Variants in PLS3 observed in about 807,000 individuals in gnomAD.
PLS3 encodes the protein plastin-3.
PLS3 carries 11 observed loss-of-function variants against 46.5 expected under a neutral mutation model. The ratio of observed to expected loss-of-function variants is 0.24; its 90% CI spans 0.15 to 0.39. PLS3 has a LOEUF of 0.39. Among genes scored for constraint, PLS3 ranks in the 10% least tolerant of loss-of-function variants. PLS3 has a pLI of 1.00. For synonymous variants in PLS3, 167 were observed against 162.2 expected (o/e 1.03, Z -0.22); for missense variants, 308 against 461.8 (o/e 0.67, Z 3.05).
At chrX:115,637,112 G>T in intron 8 of PLS3, 134 bp downstream of exon 8, 1 of 593,255 alleles carries the variant, frequency 1.7e-6, no homozygotes, top group East Asian at 3.3e-5. Context: ...GTAGATTTTA[G>T]AAGAGTAATA....
At chrX:115,634,314 G>A (rs2074808147) in intron 6 of PLS3, among the ~76,000 whole-genome samples, 1 of 111,921 alleles carries the variant, frequency 8.9e-6, no homozygotes, top group Non-Finnish European at 1.9e-5. Flanking sequence ...AAAGCCCCAT[G>A]TTCTTTTCAT....
intron 2 of PLS3, among the ~76,000 whole-genome samples, chrX:115,620,636 CA>C (rs1556637367): frequency 9.3e-6 from 1 of 107,624 alleles, no homozygotes; most frequent in East Asian, 2.9e-4. Context: ...TTATGGCAAT[CA>C]AAAATGTCCC....
At chrX:115,586,175 G>A (rs1182543739) in intron 1 of PLS3, among the ~76,000 whole-genome samples, 1 of 106,054 alleles carries the variant, frequency 9.4e-6, no homozygotes, top group Non-Finnish European at 1.9e-5. Context: ...ACCGGAGACG[G>A]GGTTTCTCCA....
intron 1 of PLS3, among the ~76,000 whole-genome samples, chrX:115,578,138 G>A (rs1312869960): frequency 1.8e-5 from 2 of 111,818 alleles, no homozygotes; most frequent in East Asian, 2.8e-4. Flanking sequence ...GTCACAGAAG[G>A]CATTACTGAG....
intron 1 of PLS3, among the ~76,000 whole-genome samples, chrX:115,583,236 T>C (rs1280027758): frequency 8.9e-6 from 1 of 112,270 alleles, no homozygotes; most frequent in African/African-American, 3.2e-5. Context: ...ACCAAAAGTA[T>C]ACACATGCAA....
At chrX:115,594,491 G>C (rs1353276932) in intron 1 of PLS3, among the ~76,000 whole-genome samples, 1 of 111,708 alleles carries the variant, frequency 9.0e-6, no homozygotes, top group African/African-American at 3.3e-5. Context: ...CACTGCAAGA[G>C]GCATTTTCAG....
At chrX:115,575,610 A>G (rs1399507789) in intron 1 of PLS3, among the ~76,000 whole-genome samples, 2 of 110,678 alleles carry the variant, frequency 1.8e-5, no homozygotes, top group African/African-American at 6.6e-5. Context: ...CACCTGGCTA[A>G]TTTTTTGTAT....
intron 1 of PLS3, among the ~76,000 whole-genome samples, chrX:115,573,904 G>A (rs2074232405): frequency 9.0e-6 from 1 of 110,839 alleles, no homozygotes; most frequent in Non-Finnish European, 1.9e-5. Context: ...GGTTTTCACT[G>A]TGTTGACCAG....
chrX:115,603,645 C>T (rs2074465215), intron 1 of PLS3, among the ~76,000 whole-genome samples: 2 of 110,888 alleles, frequency 1.8e-5, no homozygotes, highest in Non-Finnish European at 3.8e-5. Context: ...CTTGGTGGCA[C>T]ACATCTGTAT....
At chrX:115,617,944 T>A (rs1188867632) in intron 2 of PLS3, among the ~76,000 whole-genome samples, 6 of 111,596 alleles carry the variant, frequency 5.4e-5, no homozygotes, top group African/African-American at 2.0e-4. Flanking sequence ...TTTTTGCTTT[T>A]GAGACAGTGT....
intron 1 of PLS3, among the ~76,000 whole-genome samples, chrX:115,597,340 C>G (rs2074399692): frequency 9.0e-6 from 1 of 111,022 alleles, no homozygotes; most frequent in African/African-American, 3.3e-5. Context: ...CTTTCTTATG[C>G]ATCCACAGGG....
intron 6 of PLS3, 91 bp downstream of exon 6, chrX:115,634,172 A>G (rs1460182280): frequency 9.8e-6 from 5 of 508,632 alleles, no homozygotes; most frequent in Non-Finnish European, 1.7e-5. Flanking sequence ...TAGGCTCCCA[A>G]TCAATCCTTG....
chrX:115,564,271 G>A (rs1178165278), intron 1 of PLS3, among the ~76,000 whole-genome samples: 2 of 112,178 alleles, frequency 1.8e-5, no homozygotes, highest in Non-Finnish European at 3.8e-5. Flanking sequence ...GAAGTCCAAA[G>A]TCTCTAGTCT....
chrX:115,584,486 GA>G (rs782723852), intron 1 of PLS3, among the ~76,000 whole-genome samples: 100 of 112,285 alleles, frequency 8.9e-4, no homozygotes, highest in African/African-American at 3.1e-3. Context: ...CTTGAATAGG[GA>G]AAAAATGACA....
chrX:115,601,815 A>G (rs1440789333), intron 1 of PLS3, among the ~76,000 whole-genome samples: 1 of 111,481 alleles, frequency 9.0e-6, no homozygotes, highest in African/African-American at 3.3e-5. Context: ...GGAAAGTGGG[A>G]AAGTTGAAAA....
intron 1 of PLS3, among the ~76,000 whole-genome samples, chrX:115,562,236 C>T (rs2074142778): frequency 1.8e-5 from 2 of 112,039 alleles, no homozygotes; most frequent in Non-Finnish European, 3.8e-5. Context: ...CCGACCACCC[C>T]CGCCCTGGCT....
At chrX:115,579,769 G>A (rs1401835113) in intron 1 of PLS3, among the ~76,000 whole-genome samples, 1 of 111,519 alleles carries the variant, frequency 9.0e-6, no homozygotes. Flanking sequence ...GTCTTGCTCT[G>A]TTGCCCGGGC....
chrX:115,616,292 T>G (rs782609601), intron 2 of PLS3, among the ~76,000 whole-genome samples: 3 of 112,136 alleles, frequency 2.7e-5, no homozygotes, highest in Non-Finnish European at 3.8e-5. Flanking sequence ...CCTTGCCACA[T>G]TATTCTTATT....
At chrX:115,563,460 G>T (rs781863414) in intron 1 of PLS3, among the ~76,000 whole-genome samples, 3 of 111,059 alleles carry the variant, frequency 2.7e-5, no homozygotes, top group Non-Finnish European at 3.8e-5. Flanking sequence ...CTGGGAAAAC[G>T]TGGCAATTTG....
Sources: allele counts gnomAD v4.1 joint callset (sites outside exome capture counted in the v4.1 genomes callset), GRCh38; gene constraint gnomAD v4.1.1; transcripts MANE v1.5; gene names NCBI Gene and HGNC (gene_info 2026-07-23, HGNC 2026-07-21).